Variants in PTPRR observed in about 807,000 individuals in gnomAD.
The protein encoded by PTPRR is receptor-type tyrosine-protein phosphatase R.
Under a neutral mutation model 77.2 loss-of-function variants are expected in PTPRR, and 38 were observed. The ratio of observed to expected loss-of-function variants is 0.49; its 90% confidence interval spans 0.38 to 0.65. The LOEUF (loss-of-function observed/expected upper bound fraction) is 0.65. Ranked by LOEUF, PTPRR falls within the 30% of genes least tolerant of loss-of-function variation. PTPRR has a pLI of 0.00. For missense variants in PTPRR, 744 were observed against 799.2 expected (o/e 0.93, Z 0.83); for synonymous variants, 299 against 283.1 (o/e 1.06, Z -0.57).
At chr12:70,732,022 TG>T (rs961584803) in intron 6 of PTPRR, among the ~76,000 whole-genome samples, 2 of 152,084 alleles carry the variant, frequency 1.3e-5, no homozygotes, top group African/African-American at 4.8e-5. Flanking sequence ...CCTTGGGCAA[TG>T]AAAAAAAGAG....
At chr12:70,713,043 G>A (rs1369347435) in intron 6 of PTPRR, among the ~76,000 whole-genome samples, 1 of 152,064 alleles carries the variant, frequency 6.6e-6, no homozygotes, top group Non-Finnish European at 1.5e-5. Context: ...CAGTTACTCT[G>A]TATTTCTCTC....
At chr12:70,886,151 C>G (rs1893236208) in intron 2 of PTPRR, among the ~76,000 whole-genome samples, 2 of 152,132 alleles carry the variant, frequency 1.3e-5, no homozygotes, top group African/African-American at 2.4e-5. Flanking sequence ...GTCCTTGCTG[C>G]TTTAATAGCT....
intron 2 of PTPRR, among the ~76,000 whole-genome samples, chr12:70,769,330 A>T (rs1890910115): frequency 6.6e-6 from 1 of 151,064 alleles, no homozygotes; most frequent in Admixed American, 6.6e-5. Flanking sequence ...TACAAAATCA[A>T]TGTACAAAAA....
intron 4 of PTPRR, among the ~76,000 whole-genome samples, chr12:70,755,537 A>G (rs190313107): frequency 6.6e-6 from 1 of 152,286 alleles, no homozygotes; most frequent in East Asian, 1.9e-4. Flanking sequence ...TTTGAGTTCA[A>G]TTGTGATTAC....
intron 1 of PTPRR, among the ~76,000 whole-genome samples, chr12:70,900,215 T>C (rs1295480159): frequency 1.3e-5 from 2 of 151,328 alleles, no homozygotes; most frequent in Non-Finnish European, 3.0e-5. Context: ...GAAAAAATAA[T>C]AAAGTTAAAA....
chr12:70,866,403 C>G (rs867300630), intron 2 of PTPRR, among the ~76,000 whole-genome samples: 6,317 of 151,758 alleles, frequency 0.042, 432 homozygotes, highest in African/African-American at 0.14. Context: ...ACTACAAACA[C>G]CTCTATGCAA....
chr12:70,648,981 T>C (rs1260047026), intron 13 of PTPRR, among the ~76,000 whole-genome samples: 1 of 152,176 alleles, frequency 6.6e-6, no homozygotes, highest in Non-Finnish European at 1.5e-5. Context: ...CATCTATTAA[T>C]AGAAGTTGTC....
intron 2 of PTPRR, among the ~76,000 whole-genome samples, chr12:70,854,839 A>G (rs1459046664): frequency 1.3e-5 from 2 of 152,216 alleles, no homozygotes; most frequent in Non-Finnish European, 2.9e-5. Context: ...GTGAGGGTTA[A>G]ATGTACTAAC....
At chr12:70,815,736 T>A (rs1344713432) in intron 2 of PTPRR, among the ~76,000 whole-genome samples, 2 of 152,154 alleles carry the variant, frequency 1.3e-5, no homozygotes, top group African/African-American at 4.8e-5. Context: ...TGGAAAATGA[T>A]GTAAGGTCTC....
intron 3 of PTPRR, among the ~76,000 whole-genome samples, chr12:70,762,832 T>G (rs909790247): frequency 1.1e-4 from 16 of 152,200 alleles, no homozygotes; most frequent in Admixed American, 7.2e-4. Flanking sequence ...CTAATCAACA[T>G]GCTTTGCTAT....
In PTPRR at chr12:70,770,162, A is replaced by G. The variant is rs1890935613; in HGVS notation, c.358-5384T>C. ...ACAAAAGACAAAATTGACAAATGGG[A>G]TCTAATTAAACTAAAGAGCTTCTGC... On this transcript the variant is annotated intron_variant, in intron 2 of 13. Transcript: ENST00000283228. Among the ~76,000 whole-genome samples, 3 of 147,500 alleles carry G rather than the reference A, an allele frequency of 2.0e-5. No individual in the cohort carries two copies. The South Asian group carries it at 6.5e-4, about 32-fold the overall frequency.
chr12:70,917,303 C>G (rs1293938498), intron 1 of PTPRR, among the ~76,000 whole-genome samples: 6 of 152,160 alleles, frequency 3.9e-5, no homozygotes, highest in Non-Finnish European at 8.8e-5. Flanking sequence ...CTAACTTAAT[C>G]AATGGTGGCC....
intron 2 of PTPRR, among the ~76,000 whole-genome samples, chr12:70,864,747 A>G (rs1892811335): frequency 6.6e-6 from 1 of 152,146 alleles, no homozygotes; most frequent in African/African-American, 2.4e-5. Flanking sequence ...ATTGAATCAT[A>G]GATGCAGTTT....
intron 3 of PTPRR, among the ~76,000 whole-genome samples, chr12:70,762,231 C>G (rs879671461): frequency 6.6e-6 from 1 of 151,940 alleles, no homozygotes; most frequent in Admixed American, 6.6e-5. Flanking sequence ...TTAGTATTAC[C>G]TCATTAGCTG....
chr12:70,796,264 T>C (rs1053980702), intron 2 of PTPRR, among the ~76,000 whole-genome samples: 1 of 152,106 alleles, frequency 6.6e-6, no homozygotes, highest in Non-Finnish European at 1.5e-5. Context: ...CTGTCTTCCA[T>C]TTCATTTGAC....
intron 2 of PTPRR, among the ~76,000 whole-genome samples, chr12:70,831,741 C>G (rs1437269312): frequency 6.6e-6 from 1 of 152,226 alleles, no homozygotes; most frequent in Admixed American, 6.5e-5. Flanking sequence ...AAAGCTTTCT[C>G]ATTTCCTAAG....
At chr12:70,658,139 C>T (rs1052082705) in intron 12 of PTPRR, among the ~76,000 whole-genome samples, 2 of 152,166 alleles carry the variant, frequency 1.3e-5, no homozygotes, top group African/African-American at 2.4e-5. Context: ...TCTTCCCTCC[C>T]GTGTGCCATG....
intron 6 of PTPRR, among the ~76,000 whole-genome samples, chr12:70,727,743 A>G (rs981671999): frequency 6.6e-6 from 1 of 152,330 alleles, no homozygotes; most frequent in South Asian, 2.1e-4. Flanking sequence ...AAATGCATCC[A>G]AACGGCACAG....
At chr12:70,678,884 GT>G (rs1887549881) in intron 10 of PTPRR, among the ~76,000 whole-genome samples, 1 of 152,082 alleles carries the variant, frequency 6.6e-6, no homozygotes, top group Non-Finnish European at 1.5e-5. Context: ...GTTTCACCAT[GT>G]TGGCCAGGCT....
Sources: allele counts gnomAD v4.1 joint callset (sites outside exome capture counted in the v4.1 genomes callset), GRCh38; gene constraint gnomAD v4.1.1; transcripts MANE v1.5; gene names NCBI Gene and HGNC (gene_info 2026-07-23, HGNC 2026-07-21).